The following CDH10 variants were observed in gnomAD, a reference collection of about 807,000 sequenced individuals.
CDH10 encodes cadherin-10.
CDH10 carries 30 observed loss-of-function variants against 73.1 expected under a neutral mutation model. The ratio of observed to expected loss-of-function variants is 0.41; its 90% CI spans 0.31 to 0.56. The LOEUF is 0.56. Ranked by LOEUF, CDH10 falls within the 20% of genes least tolerant of loss-of-function variation. CDH10 has a pLI of 0.27. For synonymous variants in CDH10, 345 were observed against 348.2 expected (o/e 0.99, Z 0.10); for missense variants, 815 against 973.7 (o/e 0.84, Z 2.17).
At chr5:24,593,187 T>C (rs1746257048) in intron 2 of CDH10, 73 bp downstream of exon 2, 2 of 824,712 alleles carry the variant, frequency 2.4e-6, no homozygotes, top group Non-Finnish European at 4.0e-6. Flanking sequence ...GATGGTTTGA[T>C]GACCTTCAAA....
chr5:24,491,620 G>T lies in CDH10; in HGVS notation c.1832C>A (p.Thr611Asn). 1 of 1,613,920 alleles carries T rather than the reference G, an allele frequency of 6.2e-7. No individual in the cohort carries two copies. The highest frequency in any genetic ancestry group is 8.5e-7 in the Non-Finnish European group (1 of 1,179,878). Residue 611 changes from threonine to asparagine, a missense_variant, in exon 11 of 12, where the codon ACT (threonine) becomes AAT (asparagine). Coordinates refer to ENST00000264463, the MANE Select transcript of CDH10 (RefSeq NM_006727.5). ...GAGGAGGATGGCGATCAAGGCCCCA[G>T]TGCTGAGGCCGGCAGGGAGGAGCAG... ...EALLLPAGLS[T>N]GALIAILLCI...
intron 1 of CDH10, among the ~76,000 whole-genome samples, chr5:24,611,386 A>G (rs1268081710): frequency 6.6e-6 from 1 of 152,120 alleles, no homozygotes; most frequent in Non-Finnish European, 1.5e-5. Flanking sequence ...GTTTGAGACC[A>G]GCCTGGACAA....
chr5:24,567,100 C>T (rs2112009321), intron 2 of CDH10, among the ~76,000 whole-genome samples: 1 of 152,060 alleles, frequency 6.6e-6, no homozygotes, highest in Non-Finnish European at 1.5e-5. Flanking sequence ...ATTAAGGATG[C>T]TCAGCATCCT....
At chr5:24,578,288 C>A in intron 2 of CDH10, 2 of 215,040 alleles carry the variant, frequency 9.3e-6, no homozygotes, top group Non-Finnish European at 2.1e-5. Context: ...TAGAGTTCAC[C>A]CTTTTAAGCT....
intron 1 of CDH10, among the ~76,000 whole-genome samples, chr5:24,614,445 T>C (rs1579472649): frequency 6.6e-6 from 1 of 152,306 alleles, no homozygotes; most frequent in Non-Finnish European, 1.5e-5. Context: ...AAACACTAAT[T>C]GGGTGCAGAT....
intron 2 of CDH10, among the ~76,000 whole-genome samples, chr5:24,539,217 T>C (rs1262801984): frequency 6.6e-6 from 1 of 152,002 alleles, no homozygotes; most frequent in Non-Finnish European, 1.5e-5. Context: ...CGTATTTACC[T>C]AAATAAGTTT....
At chr5:24,638,370 G>A (rs537972836) in intron 1 of CDH10, among the ~76,000 whole-genome samples, 10 of 151,726 alleles carry the variant, frequency 6.6e-5, no homozygotes, top group South Asian at 2.1e-4. Flanking sequence ...CAGCAAGAAG[G>A]GGGGGAAGTC....
At chr5:24,598,383 A>T (rs1005408216) in intron 1 of CDH10, among the ~76,000 whole-genome samples, 5 of 152,008 alleles carry the variant, frequency 3.3e-5, no homozygotes, top group African/African-American at 1.2e-4. Flanking sequence ...ATTTCTATTT[A>T]GACTGTAAGT....
At chr5:24,507,553 G>A (rs1480991370) in intron 7 of CDH10, among the ~76,000 whole-genome samples, 1 of 151,812 alleles carries the variant, frequency 6.6e-6, no homozygotes, top group Non-Finnish European at 1.5e-5. Context: ...ATTTCATTGT[G>A]TGGAGAAATA....
At chr5:24,494,062 G>A (rs76716379) in intron 9 of CDH10, among the ~76,000 whole-genome samples, 1,640 of 151,828 alleles carry the variant, frequency 0.011, 22 homozygotes, top group Non-Finnish European at 0.015. Flanking sequence ...AAGGATACAA[G>A]AAATATAATT....
chr5:24,573,892 T>C (rs1486203316), intron 2 of CDH10, among the ~76,000 whole-genome samples: 1 of 148,746 alleles, frequency 6.7e-6, no homozygotes, highest in South Asian at 2.1e-4. Flanking sequence ...ATAAAAAATA[T>C]ATATATTTTT....
chr5:24,636,613 A>AT (rs1747876850), intron 1 of CDH10, among the ~76,000 whole-genome samples: 1 of 151,938 alleles, frequency 6.6e-6, no homozygotes, highest in South Asian at 2.1e-4. Context: ...CCAAACTCCC[A>AT]TAACACACAA....
intron 7 of CDH10, among the ~76,000 whole-genome samples, chr5:24,508,195 T>C (rs1285204078): frequency 1.3e-5 from 2 of 152,150 alleles, no homozygotes; most frequent in East Asian, 1.9e-4. Context: ...AAATCCAAAA[T>C]ACAAAATGGA....
chr5:24,630,119 T>C (rs893047155), intron 1 of CDH10, among the ~76,000 whole-genome samples: 1 of 151,842 alleles, frequency 6.6e-6, no homozygotes, highest in Admixed American at 6.6e-5. Context: ...TTTAAGAAAG[T>C]AAAAATATAC....
chr5:24,536,560 T>C (rs1157638799), intron 3 of CDH10, among the ~76,000 whole-genome samples: 1 of 152,052 alleles, frequency 6.6e-6, no homozygotes, highest in Non-Finnish European at 1.5e-5. Context: ...AATCCAAAAA[T>C]ATGACTCTAA....
chr5:24,537,609 A>C lies in CDH10; in HGVS notation c.297T>G (p.Gly99=). 1 of 1,605,710 alleles carries C rather than the reference A, an allele frequency of 6.2e-7. No individual in the cohort carries two copies. ...LKYILSGDGA[G]TLFIIDEKTG... is the part of the protein sequence containing the mutation. Reference sequence around the variant, plus strand: ...TTTTTTCATCAATAATAAAAAGAGTACCAGCTCCATCTCCAGATAAGATAT... The same window carrying C: ...TTTTTTCATCAATAATAAAAAGAGTCCCAGCTCCATCTCCAGATAAGATAT... The change falls in exon 3 of 12, where the codon GGT becomes GGG. Residue 99 remains glycine, a synonymous_variant. Coordinates refer to ENST00000264463, the MANE Select transcript of CDH10 (RefSeq NM_006727.5).
chr5:24,614,663 G>A (rs2112153002), intron 1 of CDH10, among the ~76,000 whole-genome samples: 1 of 152,230 alleles, frequency 6.6e-6, no homozygotes, highest in East Asian at 1.9e-4. Context: ...TTTCCAGACC[G>A]AGTAAACAGA....
chr5:24,549,915 C>A (rs1023837919), intron 2 of CDH10, among the ~76,000 whole-genome samples: 4 of 152,014 alleles, frequency 2.6e-5, no homozygotes, highest in Non-Finnish European at 5.9e-5. Context: ...TATATTGTAT[C>A]AAAATAGGTT....
chr5:24,574,196 T>C (rs924939822), intron 2 of CDH10, among the ~76,000 whole-genome samples: 2 of 152,148 alleles, frequency 1.3e-5, no homozygotes, highest in Non-Finnish European at 2.9e-5. Context: ...TATCATAGTA[T>C]ATTAACTTGA....
Sources: allele counts gnomAD v4.1 joint callset (sites outside exome capture counted in the v4.1 genomes callset), GRCh38; gene constraint gnomAD v4.1.1; transcripts MANE v1.5; gene names NCBI Gene and HGNC (gene_info 2026-07-23, HGNC 2026-07-21).